Variants in LRRTM3 observed in about 807,000 individuals in gnomAD.
The protein encoded by LRRTM3 is leucine rich repeat transmembrane neuronal 3.
LRRTM3 carries 24 observed loss-of-function variants against 44.7 expected under a neutral mutation model. The ratio of observed to expected loss-of-function variants is 0.54; its 90% confidence interval spans 0.39 to 0.76. The LOEUF is 0.76. LRRTM3 is among the 30% of genes least tolerant of loss of function. LRRTM3 has a pLI of 0.00. For missense variants in LRRTM3, 587 were observed against 702.2 expected (o/e 0.84, Z 1.85); for synonymous variants, 277 against 278.7 (o/e 0.99, Z 0.06).
At chr10:67,075,579 A>T (rs1389557610) in intron 2 of LRRTM3, among the ~76,000 whole-genome samples, 1 of 152,206 alleles carries the variant, frequency 6.6e-6, no homozygotes, top group Non-Finnish European at 1.5e-5. Flanking sequence ...TCTCAAAGTA[A>T]GATATAGACA....
At chr10:66,962,350 T>G (rs1174358486) in intron 2 of LRRTM3, among the ~76,000 whole-genome samples, 3 of 152,106 alleles carry the variant, frequency 2.0e-5, no homozygotes, top group Non-Finnish European at 4.4e-5. Flanking sequence ...TATAATACTC[T>G]TGCCCCAAAT....
chr10:67,060,552 A>T (rs1267825699), intron 2 of LRRTM3, among the ~76,000 whole-genome samples: 1 of 152,248 alleles, frequency 6.6e-6, no homozygotes, highest in Admixed American at 6.5e-5. Flanking sequence ...GCAGCACCAG[A>T]TAACACATTC....
chr10:67,039,384 G>A (rs1184331028), intron 2 of LRRTM3, among the ~76,000 whole-genome samples: 14 of 152,078 alleles, frequency 9.2e-5, no homozygotes, highest in Non-Finnish European at 1.8e-4. Flanking sequence ...CTGTGCAGCA[G>A]AAAAAGCCTA....
At chr10:66,928,709 A>G (rs1847212940) in intron 2 of LRRTM3, among the ~76,000 whole-genome samples, 1 of 152,236 alleles carries the variant, frequency 6.6e-6, no homozygotes, top group Non-Finnish European at 1.5e-5. Flanking sequence ...TATAATACCT[A>G]TTGTATAAGA....
intron 2 of LRRTM3, among the ~76,000 whole-genome samples, chr10:66,998,068 T>C (rs1406060222): frequency 4.6e-5 from 7 of 152,188 alleles, no homozygotes; most frequent in Admixed American, 4.6e-4. Flanking sequence ...AGCTCATTCT[T>C]CTACAACAAT....
At chr10:67,030,819 C>T (rs1853673572) in intron 2 of LRRTM3, among the ~76,000 whole-genome samples, 1 of 152,132 alleles carries the variant, frequency 6.6e-6, no homozygotes, top group South Asian at 2.1e-4. Flanking sequence ...TCCTTACCAA[C>T]ATGGTGAAAC....
chr10:66,953,361 G>A (rs1245487814), intron 2 of LRRTM3, among the ~76,000 whole-genome samples: 2 of 152,174 alleles, frequency 1.3e-5, no homozygotes, highest in Non-Finnish European at 2.9e-5. Context: ...AATGCTCACT[G>A]CCGGTTGTCT....
At position 66,953,903 on chromosome 10, in the gene LRRTM3, C is replaced by A. The variant is rs991629276; in HGVS notation, c.1536+25451C>A. ...AAATAACCCACCCATTCTGAACCTT[C>A]ATTTCCTCTGCTATAAAATCAGGAT... On this transcript the variant is annotated intron_variant, in intron 2 of 2. Transcript: ENST00000361320. Among the ~76,000 whole-genome samples, 3 of 152,166 alleles carry A rather than the reference C, an allele frequency of 2.0e-5. No individual in the cohort carries two copies. The South Asian group carries it at 6.2e-4, about 31-fold the overall frequency.
intron 2 of LRRTM3, among the ~76,000 whole-genome samples, chr10:66,940,623 T>C (rs1323604170): frequency 6.6e-6 from 1 of 152,224 alleles, no homozygotes; most frequent in Non-Finnish European, 1.5e-5. Flanking sequence ...CCACAAATTA[T>C]ATTTCCAGAG....
At chr10:67,022,709 G>A (rs1017716447) in intron 2 of LRRTM3, among the ~76,000 whole-genome samples, 4 of 152,042 alleles carry the variant, frequency 2.6e-5, no homozygotes, top group Non-Finnish European at 2.9e-5. Flanking sequence ...AGGCCGAGGC[G>A]GGCAGATCAT....
chr10:66,953,525 CTT>C (rs970590677), intron 2 of LRRTM3, among the ~76,000 whole-genome samples: 2 of 152,204 alleles, frequency 1.3e-5, no homozygotes, highest in South Asian at 2.1e-4. Flanking sequence ...CAGAAAGACT[CTT>C]TGCTTGAAAC....
chr10:67,085,854 G>A (rs547552248), intron 2 of LRRTM3, among the ~76,000 whole-genome samples: 23 of 152,064 alleles, frequency 1.5e-4, no homozygotes, highest in Non-Finnish European at 2.8e-4. Flanking sequence ...GATAGATTAT[G>A]TTAATATCAA....
At position 67,097,840 on chromosome 10, in the gene LRRTM3, C is replaced by A. The variant is rs767880583; in HGVS notation, c.*44C>A. 1.3e-6 allele frequency: 2 copies of A among 1,561,446 alleles called. No homozygotes were observed. Among genetic ancestry groups the A allele is most frequent in the Non-Finnish European group, 1.8e-6 (2 of 1,133,688 alleles). ...AGGGGTTGCTACCAAACTTTGTAACCTCAAGGACAAAATGAGGAAGATGTG... is the reference window on the plus strand; with the variant it reads ...AGGGGTTGCTACCAAACTTTGTAACATCAAGGACAAAATGAGGAAGATGTG... On this transcript the variant is annotated 3_prime_UTR_variant, in exon 3 of 3. Coordinates refer to ENST00000361320, the MANE Select transcript of LRRTM3 (RefSeq NM_178011.5).
intron 2 of LRRTM3, among the ~76,000 whole-genome samples, chr10:66,955,700 A>G (rs1233340955): frequency 1.3e-5 from 2 of 152,184 alleles, no homozygotes; most frequent in Admixed American, 6.6e-5. Flanking sequence ...CTAGACTGTC[A>G]CAAACTGGAG....
At chr10:67,049,424 A>C (rs1405718259) in intron 2 of LRRTM3, among the ~76,000 whole-genome samples, 1 of 152,178 alleles carries the variant, frequency 6.6e-6, no homozygotes, top group African/African-American at 2.4e-5. Context: ...AGCCACATAC[A>C]ACTATCAGTA....
At chr10:67,097,558 C>G (rs1858079591) in intron 2 of LRRTM3, 29 bp from the exon 3 acceptor site, 1 of 1,594,956 alleles carries the variant, frequency 6.3e-7, no homozygotes, top group South Asian at 1.1e-5. Context: ...ATTTTTATAA[C>G]TGACTTTTCT....
chr10:67,041,043 C>T (rs1427192560), intron 2 of LRRTM3, among the ~76,000 whole-genome samples: 6 of 151,978 alleles, frequency 3.9e-5, no homozygotes, highest in Non-Finnish European at 8.8e-5. Context: ...TTTTTACACA[C>T]ACAAAGAAAA....
chr10:67,101,132 T>C lies in LRRTM3; in HGVS notation c.*3336T>C, dbSNP rs1393484482. ...CATATTTCTTAACATACAAGTTCGT[T>C]TGTGAATGTGCAGAACAGATGCTCC... On this transcript the variant is annotated 3_prime_UTR_variant, in exon 3 of 3. Coordinates refer to ENST00000361320, the MANE Select transcript of LRRTM3 (RefSeq NM_178011.5). Among the ~76,000 whole-genome samples, 1 of 151,698 alleles carries C rather than the reference T, an allele frequency of 6.6e-6. No homozygotes were observed. The highest frequency in any genetic ancestry group is 2.4e-5 in the African/African-American group (1 of 41,370).
intron 2 of LRRTM3, among the ~76,000 whole-genome samples, chr10:66,981,209 C>T (rs2132880839): frequency 6.6e-6 from 1 of 152,266 alleles, no homozygotes; most frequent in East Asian, 1.9e-4. Flanking sequence ...CAGCCACATC[C>T]AGTTTTTCTA....
Sources: gnomAD v4.1 joint callset for allele counts (sites outside exome capture counted in the v4.1 genomes callset) on GRCh38, gnomAD v4.1.1 for gene constraint, MANE v1.5 for transcripts, NCBI Gene and HGNC (gene_info 2026-07-23, HGNC 2026-07-21) for gene names.